The following LZTFL1 variants were observed in gnomAD, a reference collection of about 807,000 sequenced individuals.
The protein encoded by LZTFL1 is leucine zipper transcription factor-like protein 1.
Under a neutral mutation model 45.9 loss-of-function variants are expected in LZTFL1, and 25 were observed. That is an observed-to-expected ratio of 0.54 (90% confidence interval 0.40 to 0.76). LZTFL1 has a LOEUF of 0.76. Ranked by LOEUF, LZTFL1 falls within the 30% of genes least tolerant of loss-of-function variation. LZTFL1 has a pLI of 0.00. For synonymous variants in LZTFL1, 93 were observed against 117.4 expected, an observed-to-expected ratio of 0.79 and a Z score of 1.35; for missense variants, 277 against 331.1, an observed-to-expected ratio of 0.84 and a Z score of 1.27.
At position 45,835,689 on chromosome 3, in the gene LZTFL1, T is replaced by C. The variant is rs1700948773; in HGVS notation, c.224A>G (p.Asn75Ser). 6.2e-7 allele frequency: 1 copy of C among 1,614,054 alleles called. No homozygotes were observed. Among genetic ancestry groups the C allele is most frequent in the African/African-American group, 1.3e-5 (1 of 74,946 alleles). ...VHSEVESELI[N>S]TAYTNVLLLR... ...AAGTAACACATTGGTATAGGCAGTG[T>C]TGATGAGCTCAGATTCCACCTCACT... The change falls in exon 3 of 10, where the codon AAC becomes AGC. Residue 75 changes from asparagine to serine, a missense_variant. Asn to Ser is a conservative substitution (Grantham distance 46, BLOSUM62 1). Coordinates refer to ENST00000296135, the MANE Select transcript of LZTFL1 (RefSeq NM_020347.4).
intron 4 of LZTFL1, among the ~76,000 whole-genome samples, chr3:45,848,587 CTT>C (rs1701255919): frequency 6.6e-6 from 1 of 152,204 alleles, no homozygotes; most frequent in African/African-American, 2.4e-5. Context: ...ACTTGAAACA[CTT>C]GAGCTCATTG....
At chr3:45,887,908 A>G (rs893568715) in intron 2 of LZTFL1, among the ~76,000 whole-genome samples, 1 of 151,646 alleles carries the variant, frequency 6.6e-6, no homozygotes, top group Non-Finnish European at 1.5e-5. Flanking sequence ...AGATGATTCA[A>G]GCTCCGTGTA....
At position 45,901,857 on chromosome 3, in the gene LZTFL1, T is replaced by G; in HGVS notation, c.-215+11263A>C. On this transcript the variant is annotated intron_variant, in intron 2 of 4. Coordinates refer to the LZTFL1 transcript ENST00000472635. This position sits in a 1 kb window ranked among gnomAD's most constrained non-coding sequence, Gnocchi z 4.3. Reference sequence around the variant, plus strand: ...GAGAGAGGGAAGCTTGAAGCTGTCGTCTATGTTGCTGGAGACAACCTCAGG... The same window carrying G: ...GAGAGAGGGAAGCTTGAAGCTGTCGGCTATGTTGCTGGAGACAACCTCAGG... 9.9e-6 allele frequency: 16 copies of G among 1,610,276 alleles called. No homozygotes were observed. The highest frequency in any genetic ancestry group is 1.4e-5 in the Non-Finnish European group (16 of 1,176,888).
chr3:45,842,086 AT>A lies in LZTFL1; in HGVS notation c.-96del. 3.8e-6 allele frequency: 6 copies of A among 1,573,898 alleles called. No homozygotes were observed. Among genetic ancestry groups the A allele is most frequent in the Non-Finnish European group, 5.2e-6 (6 of 1,162,654 alleles). Reference sequence around the variant, plus strand: ...GCCGAGGGTAGTTGGACCACAGAAAATGGGGAAGGAGGGTAGGTTGTTTAGA... The same window carrying A: ...GCCGAGGGTAGTTGGACCACAGAAAAGGGGAAGGAGGGTAGGTTGTTTAGA... On this transcript the variant is annotated 5_prime_UTR_variant, in exon 1 of 10. Coordinates refer to ENST00000296135, the MANE Select transcript of LZTFL1 (RefSeq NM_020347.4).
At chr3:45,910,894 A>G (rs148327675) in intron 2 of LZTFL1, among the ~76,000 whole-genome samples, 5 of 152,200 alleles carry the variant, frequency 3.3e-5, no homozygotes, top group Admixed American at 3.3e-4. Context: ...GGGGTCTCTC[A>G]TGTGGCTGCA....
chr3:45,838,113 G>A (rs1172776705), intron 1 of LZTFL1, 62 bp from the exon 2 acceptor site: 4 of 1,504,838 alleles, frequency 2.7e-6, no homozygotes, highest in Non-Finnish European at 3.6e-6. Flanking sequence ...AGCCAACAAT[G>A]AAAATGCATA....
chr3:45,852,138 T>A (rs1701319563), intron 4 of LZTFL1, among the ~76,000 whole-genome samples: 2 of 152,186 alleles, frequency 1.3e-5, no homozygotes, highest in Admixed American at 6.5e-5. Flanking sequence ...TACCTTTATC[T>A]ATAAGCAAGG....
chr3:45,884,706 GC>G (rs1701934685), intron 2 of LZTFL1, among the ~76,000 whole-genome samples: 1 of 152,134 alleles, frequency 6.6e-6, no homozygotes, highest in Non-Finnish European at 1.5e-5. Flanking sequence ...AGAAGCACAG[GC>G]TTTTCCTCAC....
chr3:45,872,504 C>G (rs1297862775), intron 2 of LZTFL1, among the ~76,000 whole-genome samples: 1 of 152,118 alleles, frequency 6.6e-6, no homozygotes. Flanking sequence ...AACAAACCAG[C>G]CCAGGAATAG....
chr3:45,848,466 C>A (rs916288798), intron 4 of LZTFL1, among the ~76,000 whole-genome samples: 1 of 152,186 alleles, frequency 6.6e-6, no homozygotes, highest in Non-Finnish European at 1.5e-5. Context: ...GCGCTACACA[C>A]AAAATATGCA....
chr3:45,864,318 C>A (rs1367063094), intron 2 of LZTFL1, among the ~76,000 whole-genome samples: 2 of 152,046 alleles, frequency 1.3e-5, no homozygotes, highest in African/African-American at 2.4e-5. Context: ...TACGTGATAC[C>A]TGATTTAATT....
intron 2 of LZTFL1, among the ~76,000 whole-genome samples, chr3:45,895,981 T>C (rs1702343555): frequency 6.6e-6 from 1 of 152,232 alleles, no homozygotes; most frequent in African/African-American, 2.4e-5. Flanking sequence ...CCATGATCTA[T>C]GGAGAGTGGT....
At chr3:45,838,579 C>T (rs998663367) in intron 1 of LZTFL1, among the ~76,000 whole-genome samples, 2 of 152,208 alleles carry the variant, frequency 1.3e-5, no homozygotes, top group African/African-American at 4.8e-5. Context: ...TAACCCTTAC[C>T]CCATTAAATA....
chr3:45,861,707 C>T (rs1424978272), intron 2 of LZTFL1, among the ~76,000 whole-genome samples: 1 of 152,180 alleles, frequency 6.6e-6, no homozygotes, highest in African/African-American at 2.4e-5. Flanking sequence ...AGGAGCATAG[C>T]TGAGACCATA....
At chr3:45,887,001 C>A (rs1341331712) in intron 2 of LZTFL1, among the ~76,000 whole-genome samples, 2 of 152,104 alleles carry the variant, frequency 1.3e-5, no homozygotes, top group Non-Finnish European at 2.9e-5. Flanking sequence ...GAGTCTGAGA[C>A]ACTGCCCCAT....
intron 2 of LZTFL1, among the ~76,000 whole-genome samples, chr3:45,890,079 A>G (rs535769240): frequency 1.7e-4 from 26 of 149,760 alleles, no homozygotes; most frequent in Admixed American, 3.4e-4. Flanking sequence ...ACTCTTACCA[A>G]TGTCGTTACC....
chr3:45,842,227 A>T, upstream of LZTFL1: 4 of 1,365,868 alleles, frequency 2.9e-6, no homozygotes, highest in Non-Finnish European at 3.9e-6. Context: ...CCACATGCGC[A>T]TTGGCTTCCA....
In LZTFL1 at chr3:45,827,000, G is replaced by A. The variant is rs536934706; in HGVS notation, c.881+356C>T. 117 of 201,408 alleles carry A rather than the reference G, an allele frequency of 5.8e-4. No individual in the cohort carries two copies. The South Asian group carries it at 8.1e-3, about 14-fold the overall frequency. The allele number at this position is 201,408 out of a possible 1,614,324, so 12.5% of individuals were successfully genotyped here. ...AAACTGTCATTTAGGGGAACAGTAA[G>A]ACCAGTTCTTGGACTGCTTAGAGTA... On this transcript the variant is annotated intron_variant, in intron 9 of 9. Coordinates refer to ENST00000296135, the MANE Select transcript of LZTFL1 (RefSeq NM_020347.4).
At chr3:45,843,544 G>A (rs147131843), upstream of LZTFL1, among the ~76,000 whole-genome samples, 81 of 152,318 alleles carry the variant, frequency 5.3e-4, 1 homozygote, top group African/African-American at 1.9e-3. Flanking sequence ...TTGTGATTGC[G>A]AAGTGTTATC....
Sources: allele counts gnomAD v4.1 joint callset (sites outside exome capture counted in the v4.1 genomes callset), GRCh38; gene constraint gnomAD v4.1.1; non-coding constraint Gnocchi (gnomAD v3.1); transcripts MANE v1.5; gene names NCBI Gene and HGNC (gene_info 2026-07-23, HGNC 2026-07-21).